The following TRAF6 variants were observed in gnomAD, a reference collection of about 807,000 sequenced individuals.
The protein encoded by TRAF6 is TNF receptor-associated factor 6.
Under a neutral mutation model 48.4 loss-of-function variants are expected in TRAF6, and 10 were observed. The ratio of observed to expected loss-of-function variants is 0.21; its 90% confidence interval spans 0.13 to 0.35. The LOEUF is 0.35. Among genes scored for constraint, TRAF6 ranks in the 10% least tolerant of loss-of-function variants. TRAF6 has a pLI of 1.00. For synonymous variants in TRAF6, 186 were observed against 219.6 expected (o/e 0.85, Z 1.35); for missense variants, 397 against 661.0 (o/e 0.60, Z 4.38).
rs149674427 is a variant in TRAF6, at chr11:36,490,573, A to G, written c.834T>C (p.His278=). The G allele has an allele frequency of 3.7e-6, 6 of 1,614,142 alleles. No individual in the cohort carries two copies. The highest frequency in any genetic ancestry group is 3.4e-6 in the Non-Finnish European group (4 of 1,180,034). Residue 278 remains histidine (H), a synonymous_variant, in exon 7 of 7, where the codon CAT becomes CAC. Coordinates refer to ENST00000526995, the MANE Select transcript of TRAF6 (RefSeq NM_004620.4). The surrounding 1 kb of genome is among the most constrained non-coding windows in gnomAD (Gnocchi z 6.4). ...CAGAGTCGGGTATAACGCTCAAACT[A>G]TGAACAGCCTGGGCCAACATTCTCA... ...SHMRMLAQAV[H]SLSVIPDSGY...
Position 36,494,987 on chromosome 11 carries a change from T to C in TRAF6, c.667A>G (p.Ile223Val), listed in dbSNP as rs1210133922. ...VICEYCNTILIREQMPNHYDL... is the reference protein window; with the variant it reads ...VICEYCNTILVREQMPNHYDL... ...AAAATGAATAATACCTGTTCTCTGATGAGTATAGTATTGCAGTATTCACAG... is the reference window on the plus strand; with the variant it reads ...AAAATGAATAATACCTGTTCTCTGACGAGTATAGTATTGCAGTATTCACAG... Residue 223 changes from isoleucine (I) to valine (V), a missense_variant, in exon 5 of 7, where the codon ATC becomes GTC. Physicochemically the swap from Ile to Val is conservative, Grantham distance 29 (BLOSUM62 3). Around this residue, in one of 4 missense-constraint regions of TRAF6, gnomAD observed 245 missense variants for 349.1 expected, o/e 0.70. Transcript: ENST00000526995. The C allele has an allele frequency of 1.1e-5, 18 of 1,596,182 alleles. No individual in the cohort carries two copies. Among genetic ancestry groups the C allele is most frequent in the Non-Finnish European group, 1.5e-5 (18 of 1,166,714 alleles).
intron 5 of TRAF6, 57 bp downstream of exon 5, chr11:36,494,919 C>G (rs573622671): frequency 8.5e-5 from 106 of 1,249,766 alleles, no homozygotes; most frequent in Non-Finnish European, 1.2e-4. Flanking sequence ...ATTAAAAAAC[C>G]TAATTCACTT....
rs758820943 is a variant in TRAF6 at position 36,485,529 on chromosome 11, C to G, written c.*4309G>C. ...AGCAGAGGCACATGCCCCAACTTCC[C>G]CATCTTAAAGGCAGGGCTAGTGTCC... On this transcript the variant is annotated 3_prime_UTR_variant, in exon 7 of 7. Coordinates refer to ENST00000526995, the MANE Select transcript of TRAF6 (RefSeq NM_004620.4). Among the ~76,000 whole-genome samples the G allele has an allele frequency of 7.9e-5, 12 of 152,102 alleles. No individual in the cohort carries two copies. Among genetic ancestry groups the G allele is most frequent in the Non-Finnish European group, 1.6e-4 (11 of 68,042 alleles).
intron 1 of TRAF6, among the ~76,000 whole-genome samples, chr11:36,504,855 C>T (rs1196012080): frequency 2.6e-5 from 4 of 152,274 alleles, no homozygotes; most frequent in South Asian, 4.1e-4. Flanking sequence ...GGCATGAAAA[C>T]AACATTAATC....
intron 1 of TRAF6, chr11:36,501,793 C>A (rs1859719966): frequency 8.1e-6 from 2 of 246,512 alleles, no homozygotes; most frequent in South Asian, 1.5e-4. Context: ...AAAGCTGGGT[C>A]CCTTCAGAAG....
chr11:36,497,125 C>G lies in TRAF6; in HGVS notation c.589G>C (p.Ala197Pro), dbSNP rs763566105. Residue 197 changes from alanine (A) to proline (P), a missense_variant, in exon 4 of 7, where the codon GCA (alanine) becomes CCA (proline). By Grantham distance (27) the Ala-to-Pro change is conservative (BLOSUM62 -1). Coordinates refer to ENST00000526995, the MANE Select transcript of TRAF6 (RefSeq NM_004620.4). ...GTACATGCCTCTTTATCTTCAAATG[C>G]CATTGATGCAGCACAGTTGTCACAA... ...VSCDNCAASM[A>P]FEDKEIHDQN... is the part of the protein sequence containing the mutation. 3.1e-6 allele frequency: 5 copies of G among 1,612,808 alleles called. No individual in the cohort carries two copies. The African/African-American group carries it at 6.7e-5, about 22-fold the overall frequency.
Position 36,485,464 on chromosome 11 carries a change from G to A in TRAF6, c.*4374C>T, listed in dbSNP as rs1042689517. 5.3e-5 allele frequency among the ~76,000 whole-genome samples: 8 copies of A among 152,204 alleles called. No homozygotes were observed. The highest frequency in any genetic ancestry group is 2.1e-4 in the South Asian group (1 of 4,826). ...GTCACTGCTGCTTGGGCGATTGTCC[G>A]AGTGGGACAGCACCTACCTTCAGAG... On this transcript the variant is annotated 3_prime_UTR_variant, in exon 7 of 7. Coordinates refer to ENST00000526995, the MANE Select transcript of TRAF6 (RefSeq NM_004620.4).
intron 1 of TRAF6, among the ~76,000 whole-genome samples, chr11:36,508,618 G>A (rs1859842925): frequency 6.6e-6 from 1 of 152,100 alleles, no homozygotes; most frequent in African/African-American, 2.4e-5. Context: ...GTAACTTATT[G>A]AAGTAAAACC....
At position 36,507,692 on chromosome 11, in the gene TRAF6, A is replaced by AGCGTGTATATATGTATACATACACGC. The variant is rs1554938812; in HGVS notation, c.-23+2330_-23+2355dup. ...GCGTGTATATATGTATACATACACGAGCGTGTATATATGTATACATACACG... is the reference window on the plus strand; with the variant it reads ...GCGTGTATATATGTATACATACACGAGCGTGTATATATGTATACATACACGCGCGTGTATATATGTATACATACACG... On this transcript the variant is annotated intron_variant, in intron 1 of 6. Coordinates refer to ENST00000526995, the MANE Select transcript of TRAF6 (RefSeq NM_004620.4). 1.2e-4 allele frequency among the ~76,000 whole-genome samples: 5 copies of AGCGTGTATATATGTATACATACACGC among 40,528 alleles called. 1 individual carries two copies. Among genetic ancestry groups the AGCGTGTATATATGTATACATACACGC allele is most frequent in the South Asian group, 1.9e-3 (2 of 1,052 alleles). The allele number at this position is 40,528 out of a possible 152,430, so 26.6% of individuals were successfully genotyped here.
chr11:36,497,036 C>A (rs1174849479), intron 4 of TRAF6, 72 bp downstream of exon 4: 1 of 1,487,812 alleles, frequency 6.7e-7, no homozygotes, highest in African/African-American at 1.4e-5. Flanking sequence ...CTACTGCTAA[C>A]CCCCTCAAGT....
At chr11:36,503,696 A>G (rs1189346157) in intron 1 of TRAF6, among the ~76,000 whole-genome samples, 1 of 152,212 alleles carries the variant, frequency 6.6e-6, no homozygotes, top group Non-Finnish European at 1.5e-5. Context: ...GGAAGCAAAC[A>G]ATGGCAAGAC....
chr11:36,499,377 G>C (rs1354409413), intron 2 of TRAF6, among the ~76,000 whole-genome samples: 1 of 151,966 alleles, frequency 6.6e-6, no homozygotes, highest in Admixed American at 6.6e-5. Flanking sequence ...GAACACTGGG[G>C]CTAAGTGTTC....
rs535318664 is a variant in TRAF6, at chr11:36,484,167, C to T, written c.*5671G>A. On this transcript the variant is annotated 3_prime_UTR_variant, in exon 7 of 7. Transcript: ENST00000526995. ...TTAGGAGCAGGGCTTGTTTTATGCG[C>T]TCCGTGCATGCTGATGGTGCAGGGA... Among the ~76,000 whole-genome samples, 21 of 152,326 alleles carry T rather than the reference C, an allele frequency of 1.4e-4. No homozygotes were observed. In the South Asian group the frequency reaches 4.1e-3, roughly 30 times the overall value.
chr11:36,501,659 T>C, intron 1 of TRAF6, 122 bp from the exon 2 acceptor site: 1 of 715,878 alleles, frequency 1.4e-6, no homozygotes, highest in Non-Finnish European at 2.1e-6. Context: ...GCTGTATTAA[T>C]GTTATTTACA....
chr11:36,493,996 A>G (rs1426371002), intron 5 of TRAF6, among the ~76,000 whole-genome samples: 1 of 152,192 alleles, frequency 6.6e-6, no homozygotes, highest in Non-Finnish European at 1.5e-5. Flanking sequence ...GTTAATATTC[A>G]TATTTTGTGG....
chr11:36,504,110 G>C (rs539660395), intron 1 of TRAF6, among the ~76,000 whole-genome samples: 16 of 152,290 alleles, frequency 1.1e-4, no homozygotes, highest in African/African-American at 3.9e-4. Context: ...AGAGGGTCCT[G>C]CGTCAATGTT....
Position 36,484,731 on chromosome 11 carries a change from A to G in TRAF6, c.*5107T>C, listed in dbSNP as rs533018237. Among the ~76,000 whole-genome samples, 14 of 152,354 alleles carry G rather than the reference A, an allele frequency of 9.2e-5. No individual in the cohort carries two copies. The highest frequency in any genetic ancestry group is 3.1e-4 in the African/African-American group (13 of 41,584). ...TACACCTTTTCATCCCTCTGAGAACATAATTCTGGAAGCTTGTATAAACAA... is the reference window on the plus strand; with the variant it reads ...TACACCTTTTCATCCCTCTGAGAACGTAATTCTGGAAGCTTGTATAAACAA... On this transcript the variant is annotated 3_prime_UTR_variant, in exon 7 of 7. Transcript: ENST00000526995.
chr11:36,503,928 T>A (rs1859751759), intron 1 of TRAF6, among the ~76,000 whole-genome samples: 2 of 152,274 alleles, frequency 1.3e-5, no homozygotes, highest in African/African-American at 2.4e-5. Flanking sequence ...AGTAATACAA[T>A]TTTTTTGTTT....
chr11:36,486,040 TTTTTG>T lies in TRAF6; in HGVS notation c.*3793_*3797del, dbSNP rs1405973881. Among the ~76,000 whole-genome samples the T allele has an allele frequency of 9.9e-5, 15 of 151,508 alleles. No homozygotes were observed. The highest frequency in any genetic ancestry group is 3.6e-4 in the African/African-American group (15 of 41,096). ...TAGGCATCACAAACAGAATCTGATG[TTTTTG>T]TTTTGTTTTGTGAGACAGTGTTGCA... On this transcript the variant is annotated 3_prime_UTR_variant, in exon 7 of 7. Coordinates refer to ENST00000526995, the MANE Select transcript of TRAF6 (RefSeq NM_004620.4).
Sources: gnomAD v4.1 joint callset for allele counts (sites outside exome capture counted in the v4.1 genomes callset) on GRCh38, gnomAD v4.1.1 for gene constraint, gnomAD v4.1.1 regional missense constraint, Gnocchi (gnomAD v3.1) non-coding constraint, MANE v1.5 for transcripts, NCBI Gene and HGNC (gene_info 2026-07-23, HGNC 2026-07-21) for gene names.